Variants in MAVS observed in about 807,000 individuals in gnomAD.
The protein encoded by MAVS is mitochondrial antiviral signaling protein.
MAVS carries 20 observed loss-of-function variants against 30.2 expected under a neutral mutation model. That is an observed-to-expected ratio of 0.66 (90% CI 0.47 to 0.96). MAVS has a LOEUF of 0.96. MAVS is among the 40% of genes least tolerant of loss of function. The pLI, the probability that MAVS is intolerant of heterozygous loss-of-function variation, is 0.00. For synonymous variants in MAVS, 278 were observed against 293.9 expected, an observed-to-expected ratio of 0.95 and a Z score of 0.55; for missense variants, 624 against 701.1, an observed-to-expected ratio of 0.89 and a Z score of 1.24.
At position 3,875,471 on chromosome 20, in the gene MAVS, T is replaced by C. The variant is rs1158764242; in HGVS notation, c.*9324T>C. On this transcript the variant is annotated 3_prime_UTR_variant, in exon 7 of 7. Coordinates refer to ENST00000428216, the MANE Select transcript of MAVS (RefSeq NM_020746.5). The stretch of plus-strand genomic sequence containing the variant: ...CCTTCTACTTCTTCAGTGCTGTTTT[T>C]ATTTAAAAAAAAAAAAAACCAGCCA... 1 of 57,552 alleles carries C rather than the reference T, an allele frequency of 1.7e-5. No homozygotes were observed. The highest frequency in any genetic ancestry group is 2.6e-4 in the East Asian group (1 of 3,790). The allele number at this position is 57,552 out of a possible 1,614,324, so 3.6% of individuals were successfully genotyped here.
In MAVS at chr20:3,873,400, G is replaced by A. The variant is rs1218326070; in HGVS notation, c.*7253G>A. On this transcript the variant is annotated 3_prime_UTR_variant, in exon 7 of 7. Coordinates refer to ENST00000428216, the MANE Select transcript of MAVS (RefSeq NM_020746.5). ...AATACAAAAATTAGCCAGGTGTGAT[G>A]GCGTACATCTGTAATTTCAGCCACT... The A allele has an allele frequency of 6.6e-6, 1 of 152,136 alleles. No homozygotes were observed. The highest frequency in any genetic ancestry group is 2.4e-5 in the African/African-American group (1 of 41,418). 9.4% of individuals were successfully genotyped at this position (152,136 alleles called of 1,614,324 possible). A position where few individuals can be genotyped will look rare whatever the true frequency, so the allele number is the denominator to read the frequency against.
Position 3,876,103 on chromosome 20 carries a change from A to G in MAVS, c.*9956A>G, listed in dbSNP as rs1286073720. 6.6e-6 allele frequency: 1 copy of G among 152,250 alleles called. No individual in the cohort carries two copies. Among genetic ancestry groups the G allele is most frequent in the Non-Finnish European group, 1.5e-5 (1 of 68,026 alleles). The allele number at this position is 152,250 out of a possible 1,614,324, so 9.4% of individuals were successfully genotyped here. On this transcript the variant is annotated 3_prime_UTR_variant, in exon 7 of 7. Coordinates refer to ENST00000428216, the MANE Select transcript of MAVS (RefSeq NM_020746.5). ...GACACTTCTGTACAATAAATCTGCT[A>G]TTATTACTTCTAGAACTACAGTTAT...
In MAVS at chr20:3,854,702, G is replaced by T; in HGVS notation, c.78G>T (p.Glu26Asp). The change falls in exon 2 of 7, where the codon GAG becomes GAT. Residue 26 changes from glutamate (E) to aspartate (D), a missense_variant. Physicochemically the swap from Glu to Asp is conservative, Grantham distance 45. Transcript: ENST00000428216. ...FSNFCNVDVVEILPYLPCLTA... is the reference protein window; with the variant it reads ...FSNFCNVDVVDILPYLPCLTA... ...ATTTTTGCAATGTGGATGTTGTAGAGATTCTGCCTTACCTGCCCTGCCTCA... is the reference window on the plus strand; with the variant it reads ...ATTTTTGCAATGTGGATGTTGTAGATATTCTGCCTTACCTGCCCTGCCTCA... The T allele has an allele frequency of 6.2e-7, 1 of 1,613,874 alleles. No homozygotes were observed. The highest frequency in any genetic ancestry group is 8.5e-7 in the Non-Finnish European group (1 of 1,179,906).
intron 1 of MAVS, among the ~76,000 whole-genome samples, chr20:3,850,249 C>T (rs1241441095): frequency 8.1e-6 from 1 of 123,616 alleles, no homozygotes; most frequent in Non-Finnish European, 1.6e-5. Context: ...TGCACTCCAG[C>T]CTGGGTGAAG....
intron 2 of MAVS, among the ~76,000 whole-genome samples, chr20:3,855,764 GTTTTCTTTA>G (rs2089804137): frequency 6.6e-6 from 1 of 152,128 alleles, no homozygotes; most frequent in African/African-American, 2.4e-5. Context: ...TTTTCTGTGG[GTTTTCTTTA>G]TTTTCTTTAA....
rs1198170171 is a variant in MAVS at position 3,869,644 on chromosome 20, G to C, written c.*3497G>C. The C allele has an allele frequency of 6.7e-6, 1 of 148,314 alleles. No individual in the cohort carries two copies. Among genetic ancestry groups the C allele is most frequent in the African/African-American group, 2.5e-5 (1 of 40,198 alleles). The allele number at this position is 148,314 out of a possible 1,614,324, so 9.2% of individuals were successfully genotyped here. On this transcript the variant is annotated 3_prime_UTR_variant, in exon 7 of 7. Transcript: ENST00000428216. ...TTTTTTGAGACAGTCTTACTCCGTT[G>C]CCCAGGCTGGAGTGTAGTGGCATGA... is the stretch of plus-strand genomic sequence containing the variant.
intron 5 of MAVS, among the ~76,000 whole-genome samples, chr20:3,863,415 T>C (rs1036610644): frequency 3.3e-5 from 5 of 152,190 alleles, no homozygotes; most frequent in Non-Finnish European, 7.3e-5. Context: ...CTTAGTACTT[T>C]TGTCATCCCC....
At chr20:3,852,344 G>A (rs1431772113) in intron 1 of MAVS, among the ~76,000 whole-genome samples, 1 of 152,146 alleles carries the variant, frequency 6.6e-6, no homozygotes, top group Non-Finnish European at 1.5e-5. Context: ...ATGGAAAGAA[G>A]CTGACCTGAA....
rs1187095445 is a variant in MAVS, at chr20:3,866,986, C to T, written c.*839C>T. The T allele has an allele frequency of 2.2e-6, 1 of 456,822 alleles. No homozygotes were observed. Among genetic ancestry groups the T allele is most frequent in the South Asian group, 1.5e-5 (1 of 64,566 alleles). The allele number at this position is 456,822 out of a possible 1,614,324, so 28.3% of individuals were successfully genotyped here. On this transcript the variant is annotated 3_prime_UTR_variant, in exon 7 of 7. Transcript: ENST00000428216. ...TTCTGGTCTTGCTTCTCCACGTGGA[C>T]AGTGAGTATCTGGCTCATTCTTCAC...
In MAVS at chr20:3,869,940, G is replaced by A. The variant is rs1259317684; in HGVS notation, c.*3793G>A. 2.0e-5 allele frequency: 3 copies of A among 152,298 alleles called. No individual in the cohort carries two copies. Among genetic ancestry groups the A allele is most frequent in the South Asian group, 2.1e-4 (1 of 4,834 alleles). The allele number at this position is 152,298 out of a possible 1,614,324, so 9.4% of individuals were successfully genotyped here. ...TTTTCAAATGATGCCGCTCAAAGCC[G>A]TGACTTGGCCTACTTTGAACAGCAA... On this transcript the variant is annotated 3_prime_UTR_variant, in exon 7 of 7. Coordinates refer to ENST00000428216, the MANE Select transcript of MAVS (RefSeq NM_020746.5).
At position 3,866,195 on chromosome 20, in the gene MAVS, A is replaced by G; in HGVS notation, c.*48A>G. ...CACCCATCTGTTCCGTTCCTGCAGT[A>G]CACCTGGCCCCTCTCCGAAGCCCCT... On this transcript the variant is annotated 3_prime_UTR_variant, in exon 7 of 7. Transcript: ENST00000428216. The G allele has an allele frequency of 6.7e-7, 1 of 1,490,846 alleles. No homozygotes were observed. The highest frequency in any genetic ancestry group is 8.9e-7 in the Non-Finnish European group (1 of 1,117,468). The allele number at this position is 1,490,846 out of a possible 1,614,324, so 92.4% of individuals were successfully genotyped here.
At chr20:3,864,810 CA>C in intron 6 of MAVS, 22 bp downstream of exon 6, 1 of 1,605,770 alleles carries the variant, frequency 6.2e-7, no homozygotes, top group Middle Eastern at 1.7e-4. Context: ...CCCTTCCTGG[CA>C]GGGATCCTGG....
intron 1 of MAVS, among the ~76,000 whole-genome samples, chr20:3,853,865 C>T (rs1483458121): frequency 2.0e-5 from 3 of 151,926 alleles, no homozygotes; most frequent in Admixed American, 6.6e-5. Context: ...CTTGGCTCAC[C>T]GCAACCTCTG....
rs57173648 is a variant in MAVS, at chr20:3,872,543, C to T, written c.*6396C>T. On this transcript the variant is annotated 3_prime_UTR_variant, in exon 7 of 7. Transcript: ENST00000428216. ...ACACTCAATATGTAATTAATGTAGTCTCAGGGATGTTATGACAATATGATT... is the reference window on the plus strand; with the variant it reads ...ACACTCAATATGTAATTAATGTAGTTTCAGGGATGTTATGACAATATGATT... 369 of 152,422 alleles carry T rather than the reference C, an allele frequency of 2.4e-3. 8 individuals carry two copies. In the East Asian group the frequency reaches 0.048, roughly 20 times the overall value. The allele number at this position is 152,422 out of a possible 1,614,324, so 9.4% of individuals were successfully genotyped here.
intron 6 of MAVS, 79 bp downstream of exon 6, chr20:3,864,867 C>T: frequency 6.6e-7 from 1 of 1,525,644 alleles, no homozygotes; most frequent in Admixed American, 1.8e-5. Context: ...GGCCTTGGCC[C>T]CTTCCCAGTC....
chr20:3,859,876 GTGC>G lies in MAVS; in HGVS notation c.293-1455_293-1453del, dbSNP rs1190224644. Among the ~76,000 whole-genome samples the G allele has an allele frequency of 5.3e-5, 8 of 151,550 alleles. No individual in the cohort carries two copies. In the East Asian group the frequency reaches 5.9e-4, roughly 11 times the overall value. On this transcript the variant is annotated intron_variant, in intron 3 of 6. Transcript: ENST00000428216. ...CTGTCGCCCAGGCTGGAGTGCAGTG[GTGC>G]CATCTCAGCTCACTGCAAGCTCCGC...
chr20:3,854,713 A>G lies in MAVS; in HGVS notation c.89A>G (p.Tyr30Cys). 6.2e-7 allele frequency: 1 copy of G among 1,613,756 alleles called. No individual in the cohort carries two copies. The highest frequency in any genetic ancestry group is 8.5e-7 in the Non-Finnish European group (1 of 1,179,794). ...GTGGATGTTGTAGAGATTCTGCCTT[A>G]CCTGCCCTGCCTCACAGCAAGAGAC... Reference protein sequence around the residue: ...CNVDVVEILPYLPCLTARDQD... With the variant: ...CNVDVVEILPCLPCLTARDQD... Residue 30 changes from tyrosine (Y) to cysteine (C), a missense_variant, in exon 2 of 7, where the codon TAC becomes TGC. Transcript: ENST00000428216.
intron 1 of MAVS, among the ~76,000 whole-genome samples, chr20:3,853,214 C>T (rs113578479): frequency 0.052 from 7,462 of 143,764 alleles, 590 homozygotes; most frequent in African/African-American, 0.17. Context: ...CGGCCGGGCG[C>T]GGTGGCTCAC....
In MAVS at chr20:3,865,930, A is replaced by C; in HGVS notation, c.1406A>C (p.His469Pro). 1 of 1,613,818 alleles carries C rather than the reference A, an allele frequency of 6.2e-7. No homozygotes were observed. Among genetic ancestry groups the C allele is most frequent in the Non-Finnish European group, 8.5e-7 (1 of 1,179,884 alleles). ...AAGTCCGAGGGCACCTTTGGGATCC[A>C]CGTGGCTGAGAACCCCAGCATCCAG... ...EYKSEGTFGI[H>P]VAENPSIQLL... is the part of the protein sequence containing the mutation. Residue 469 changes from histidine to proline, a missense_variant, in exon 7 of 7, where the codon CAC (histidine) becomes CCC (proline). Physicochemically the swap from His to Pro is moderately conservative, Grantham distance 77 (BLOSUM62 -2). Transcript: ENST00000428216. This position sits in a 1 kb window ranked among gnomAD's most constrained non-coding sequence, Gnocchi z 4.7.
Sources: allele counts gnomAD v4.1 joint callset (sites outside exome capture counted in the v4.1 genomes callset), GRCh38; gene constraint gnomAD v4.1.1; non-coding constraint Gnocchi (gnomAD v3.1); transcripts MANE v1.5; gene names NCBI Gene and HGNC (gene_info 2026-07-23, HGNC 2026-07-21).